Variants in ACP7 observed in about 807,000 individuals in gnomAD.
ACP7 encodes acid phosphatase 7, tartrate resistant (putative).
ACP7 carries 58 observed loss-of-function variants against 60.6 expected under a neutral mutation model. That is an observed-to-expected ratio of 0.96 (90% confidence interval 0.77 to 1.19). The LOEUF (loss-of-function observed/expected upper bound fraction) is 1.19. Among genes scored for constraint, ACP7 ranks in the 50% most tolerant of loss-of-function variants. The probability of loss-of-function intolerance (pLI) is 0.00; values close to 1 mark genes in which losing one functional copy is unlikely to be tolerated. For synonymous variants in ACP7, 237 were observed against 232.6 expected, an observed-to-expected ratio of 1.02 and a Z score of -0.17; for missense variants, 574 against 596.2, an observed-to-expected ratio of 0.96 and a Z score of 0.39.
chr19:39,105,236 C>T (rs1351261602), intron 11 of ACP7, among the ~76,000 whole-genome samples: 3 of 151,490 alleles, frequency 2.0e-5, no homozygotes, highest in African/African-American at 4.9e-5. Context: ...AGGCTGGTCT[C>T]GAACTCCTGA....
chr19:39,098,809 GGAAGGTGCCGGGGAAGGCAGACC>G, intron 3 of ACP7, 128 bp from the exon 4 acceptor site: 2 of 1,356,724 alleles, frequency 1.5e-6, no homozygotes, highest in Non-Finnish European at 2.0e-6. Flanking sequence ...GGATGAAAAC[GGAAGGTGCCGGGGAAGGCAGACC>G]GAAGGGGCAT....
intron 11 of ACP7, among the ~76,000 whole-genome samples, chr19:39,103,269 C>T (rs7247195): frequency 0.52 from 79,656 of 151,936 alleles, 21,913 homozygotes; most frequent in East Asian, 0.64. Context: ...TATTTATGTC[C>T]GTGTGAACTC....
In ACP7 at chr19:39,085,357, G is replaced by C; in HGVS notation, c.88G>C (p.Ala30Pro). The C allele has an allele frequency of 6.2e-7, 1 of 1,613,146 alleles. No individual in the cohort carries two copies. Residue 30 changes from alanine (A) to proline (P), a missense_variant, in exon 2 of 13, where the codon GCT (alanine) becomes CCT (proline). Transcript: ENST00000331256. ...GVQGSLGAPS[A>P]APEQVHLSYP... ...CCAGGGGTCCCTGGGGGCTCCCAGC[G>C]CTGCCCCAGAGCAAGTCCATCTGTC...
At chr19:39,089,134 G>GC (rs1285733746) in intron 2 of ACP7, among the ~76,000 whole-genome samples, 1 of 152,042 alleles carries the variant, frequency 6.6e-6, no homozygotes, top group Non-Finnish European at 1.5e-5. Context: ...TCACCGTGTT[G>GC]CCCAGGCTGG....
At chr19:39,109,901 G>C in intron 12 of ACP7, 152 bp from the exon 13 acceptor site, 1 of 701,564 alleles carries the variant, frequency 1.4e-6, no homozygotes, top group East Asian at 2.5e-5. Flanking sequence ...TCACTTTTCA[G>C]ATGAGGAAAA....
intron 2 of ACP7, among the ~76,000 whole-genome samples, chr19:39,098,196 G>A (rs1041917772): frequency 1.5e-5 from 2 of 134,852 alleles, no homozygotes; most frequent in Non-Finnish European, 3.1e-5. Flanking sequence ...AGAGATTGCA[G>A]TAAGCTGAGA....
chr19:39,086,866 T>A (rs2073148427), intron 2 of ACP7, among the ~76,000 whole-genome samples: 4 of 152,272 alleles, frequency 2.6e-5, no homozygotes, highest in South Asian at 4.1e-4. Flanking sequence ...GCATTTAAAA[T>A]TTTTTATTGT....
intron 11 of ACP7, among the ~76,000 whole-genome samples, chr19:39,103,439 G>GTGTGT (rs2073377369): frequency 1.7e-5 from 1 of 58,226 alleles, no homozygotes; most frequent in Non-Finnish European, 3.0e-5. Context: ...GGATCATCAT[G>GTGTGT]TGTTTTTTTT....
intron 2 of ACP7, among the ~76,000 whole-genome samples, chr19:39,087,795 G>GCCCA (rs1568473920): frequency 3.3e-5 from 5 of 151,898 alleles, no homozygotes; most frequent in African/African-American, 1.2e-4. Context: ...CACCACACCT[G>GCCCA]GCTAATTTTT....
intron 4 of ACP7, among the ~76,000 whole-genome samples, chr19:39,099,362 C>T (rs1360797379): frequency 3.9e-5 from 6 of 152,178 alleles, no homozygotes; most frequent in Admixed American, 3.3e-4. Context: ...CCAACTCTGG[C>T]GCTCTTGCCA....
rs2073464072 is a variant in ACP7, at chr19:39,110,951, A to G, written c.*833A>G. Reference sequence around the variant, plus strand: ...CAGAGAGTTGGACAAAAATCACGATAAATGAGTTGGTTAAATAGCGATTTG... The same window carrying G: ...CAGAGAGTTGGACAAAAATCACGATGAATGAGTTGGTTAAATAGCGATTTG... On this transcript the variant is annotated 3_prime_UTR_variant, in exon 13 of 13. Coordinates refer to ENST00000331256, the MANE Select transcript of ACP7 (RefSeq NM_001004318.3). 6.6e-6 allele frequency: 1 copy of G among 152,252 alleles called. No homozygotes were observed. Among genetic ancestry groups the G allele is most frequent in the African/African-American group, 2.4e-5 (1 of 41,460 alleles). 9.4% of individuals were successfully genotyped at this position (152,252 alleles called of 1,614,324 possible).
chr19:39,092,370 G>GTATATA (rs59033785), intron 2 of ACP7, among the ~76,000 whole-genome samples: 258 of 149,226 alleles, frequency 1.7e-3, no homozygotes, highest in Middle Eastern at 3.5e-3. Context: ...GCGAAACTCT[G>GTATATA]TATATATATA....
intron 2 of ACP7, among the ~76,000 whole-genome samples, chr19:39,086,310 G>A (rs1282689773): frequency 1.3e-5 from 2 of 151,050 alleles, no homozygotes; most frequent in Non-Finnish European, 2.9e-5. Flanking sequence ...CTGGGCAACA[G>A]AGAGAGACCC....
In ACP7 at chr19:39,099,110, A is replaced by G. The variant is rs1202881290; in HGVS notation, c.473A>G (p.Gln158Arg). The G allele has an allele frequency of 6.3e-7, 1 of 1,590,104 alleles. No homozygotes were observed. Among genetic ancestry groups the G allele is most frequent in the South Asian group, 1.1e-5 (1 of 87,934 alleles). ...GTCCCCCGGCTGCGCAGGGACACCC[A>G]GCAGGGCATGTATGACGCCGTTCTC... is the stretch of plus-strand genomic sequence containing the variant. Reference protein sequence around the residue: ...KAVPRLRRDTQQGMYDAVLHV... With the variant: ...KAVPRLRRDTRQGMYDAVLHV... Residue 158 changes from glutamine to arginine, a missense_variant, in exon 4 of 13, where the codon CAG becomes CGG. Coordinates refer to ENST00000331256, the MANE Select transcript of ACP7 (RefSeq NM_001004318.3).
intron 2 of ACP7, among the ~76,000 whole-genome samples, chr19:39,090,877 T>G (rs2073196341): frequency 6.6e-6 from 1 of 151,750 alleles, no homozygotes; most frequent in Admixed American, 6.6e-5. Flanking sequence ...GAAAGAGCTG[T>G]CCCTCCCTGC....
At chr19:39,089,987 G>C (rs775654590) in intron 2 of ACP7, among the ~76,000 whole-genome samples, 3 of 152,094 alleles carry the variant, frequency 2.0e-5, no homozygotes, top group Non-Finnish European at 4.4e-5. Context: ...GAGGGAGATG[G>C]CTCAAGACAA....
In ACP7 at chr19:39,100,577, C is replaced by T. The variant is rs992883729; in HGVS notation, c.630-3C>T. The T allele has an allele frequency of 1.2e-6, 2 of 1,613,714 alleles. No individual in the cohort carries two copies. Among genetic ancestry groups the T allele is most frequent in the Non-Finnish European group, 8.5e-7 (1 of 1,179,830 alleles). ...TCCATCCCTTGTACTTCCTTTATTC[C>T]AGCAACTTCTCTAACTACAAGGCTC... On this transcript the variant is annotated splice_polypyrimidine_tract_variant and splice_region_variant and intron_variant, in intron 5 of 12. Transcript: ENST00000331256.
chr19:39,101,328 A>G lies in ACP7; in HGVS notation c.1014A>G (p.Glu338=). Reference sequence around the variant, plus strand: ...TGTGGGCTCATGAGCACTCGTATGAACGACTGTGGCCAATTTACAACTACC... The same window carrying G: ...TGTGGGCTCATGAGCACTCGTATGAGCGACTGTGGCCAATTTACAACTACC... ...LQLWAHEHSY[E]RLWPIYNYQV... The change falls in exon 10 of 13, where the codon GAA becomes GAG. Residue 338 remains glutamate, a synonymous_variant. Transcript: ENST00000331256. 1 of 1,614,158 alleles carries G rather than the reference A, an allele frequency of 6.2e-7. No homozygotes were observed. Among genetic ancestry groups the G allele is most frequent in the Non-Finnish European group, 8.5e-7 (1 of 1,180,036 alleles).
intron 2 of ACP7, among the ~76,000 whole-genome samples, chr19:39,094,502 CAAA>C (rs11289993): frequency 4.3e-4 from 59 of 137,498 alleles, no homozygotes; most frequent in Admixed American, 6.6e-4. Flanking sequence ...GACTTAGTCT[CAAA>C]AAAAAAAAAA....
Sources: allele counts gnomAD v4.1 joint callset (sites outside exome capture counted in the v4.1 genomes callset), GRCh38; gene constraint gnomAD v4.1.1; transcripts MANE v1.5; gene names NCBI Gene and HGNC (gene_info 2026-07-23, HGNC 2026-07-21).